TJP1: variants seen among roughly 807,000 people sequenced by gnomAD.
TJP1 encodes the protein tight junction protein 1, also known as tight junction protein ZO-1.
In TJP1, 43 loss-of-function variants were observed where a neutral mutation model predicts 194.2. The ratio of observed to expected loss-of-function variants is 0.22; its 90% CI spans 0.17 to 0.29. The LOEUF (loss-of-function observed/expected upper bound fraction) is 0.29. Among genes scored for constraint, TJP1 ranks in the 10% least tolerant of loss-of-function variants. The probability of loss-of-function intolerance (pLI) is 1.00; values close to 1 mark genes in which losing one functional copy is unlikely to be tolerated. For missense variants in TJP1, 1,971 were observed against 2,185.7 expected (o/e 0.90, Z 1.96); for synonymous variants, 801 against 779.0 (o/e 1.03, Z -0.47).
At chr15:29,951,092 G>A (rs2055733388) in intron 2 of TJP1, among the ~76,000 whole-genome samples, 1 of 152,136 alleles carries the variant, frequency 6.6e-6, no homozygotes, top group Non-Finnish European at 1.5e-5. Flanking sequence ...GTTGAGGGAG[G>A]AGGAGAAATT....
At chr15:29,788,155 A>C (rs767834374) in intron 2 of TJP1, among the ~76,000 whole-genome samples, 2 of 152,016 alleles carry the variant, frequency 1.3e-5, no homozygotes, top group African/African-American at 2.4e-5. Context: ...TTTTCAACTG[A>C]TTTGTCTTTT....
In TJP1 at chr15:29,855,924, A is replaced by T. The variant is rs1184949132; in HGVS notation, c.307-55222T>A. On this transcript the variant is annotated intron_variant, in intron 2 of 28. Transcript: ENST00000356107. ...GTGATGACACGGTCTGCTAAATATT[A>T]AAACAGGACATAAAGGTACACTTAT... Among the ~76,000 whole-genome samples the T allele has an allele frequency of 2.0e-5, 3 of 152,216 alleles. No homozygotes were observed. The East Asian group carries it at 5.8e-4, about 29-fold the overall frequency.
At chr15:29,769,316 A>C (rs1040450301) in intron 4 of TJP1, among the ~76,000 whole-genome samples, 1 of 152,206 alleles carries the variant, frequency 6.6e-6, no homozygotes, top group African/African-American at 2.4e-5. Context: ...TCAGTTTGGC[A>C]AAGATTTAAG....
At chr15:29,871,568 A>G (rs983953344) in intron 2 of TJP1, among the ~76,000 whole-genome samples, 1 of 152,204 alleles carries the variant, frequency 6.6e-6, no homozygotes, top group African/African-American at 2.4e-5. Flanking sequence ...CCGCCTGGAG[A>G]GGCCTTCCTA....
intron 2 of TJP1, among the ~76,000 whole-genome samples, chr15:29,915,517 C>T (rs1354675490): frequency 6.6e-6 from 1 of 152,178 alleles, no homozygotes. Context: ...GATTTCCAAA[C>T]CATACAATCT....
chr15:29,962,829 CAATA>C (rs1343075336), intron 1 of TJP1, among the ~76,000 whole-genome samples: 3 of 152,078 alleles, frequency 2.0e-5, no homozygotes, highest in Non-Finnish European at 2.9e-5. Flanking sequence ...GCACAACTGC[CAATA>C]ATTAGGTCAT....
intron 15 of TJP1, among the ~76,000 whole-genome samples, chr15:29,731,624 G>A (rs542497150): frequency 2.0e-5 from 3 of 152,300 alleles, no homozygotes; most frequent in Non-Finnish European, 4.4e-5. Flanking sequence ...TCCCTGTTCA[G>A]AGCATCAGAT....
chr15:29,750,071 G>A (rs1486489871), intron 8 of TJP1, among the ~76,000 whole-genome samples: 1 of 151,038 alleles, frequency 6.6e-6, no homozygotes, highest in Non-Finnish European at 1.5e-5. Flanking sequence ...GCAGTGGTGC[G>A]ATCCTGGCTC....
chr15:29,788,595 C>T (rs1252130439), intron 2 of TJP1, among the ~76,000 whole-genome samples: 1 of 152,094 alleles, frequency 6.6e-6, no homozygotes, highest in Non-Finnish European at 1.5e-5. Flanking sequence ...GCACCCCATC[C>T]CAAGTTTACC....
At chr15:29,963,995 G>A (rs1174998833) in intron 1 of TJP1, among the ~76,000 whole-genome samples, 3 of 151,238 alleles carry the variant, frequency 2.0e-5, no homozygotes, top group Admixed American at 1.3e-4. Flanking sequence ...ACTCAAGACT[G>A]CTGATAGCAA....
intron 2 of TJP1, among the ~76,000 whole-genome samples, chr15:29,862,161 C>T (rs1021112079): frequency 2.0e-5 from 3 of 151,844 alleles, no homozygotes; most frequent in African/African-American, 2.4e-5. Flanking sequence ...AATTTTGGCC[C>T]AGAAAGATCA....
At position 29,777,725 on chromosome 15, in the gene TJP1, G is replaced by A. The variant is rs535374271; in HGVS notation, c.85-4368C>T. On this transcript the variant is annotated intron_variant, in intron 2 of 27. Transcript: ENST00000614355. ...AAAACTACAAATGTACTATTCTTTT[G>A]ACAGAGCAAACTAACTTCTAGAAAG... Among the ~76,000 whole-genome samples the A allele has an allele frequency of 5.3e-5, 8 of 152,078 alleles. 1 individual carries two copies. The South Asian group carries it at 1.7e-3, about 32-fold the overall frequency.
In TJP1 at chr15:29,701,645, T is replaced by A; in HGVS notation, c.5257A>T (p.Asn1753Tyr). ...WQNKCLPGDP[N>Y]YLVGANCVSV... is the part of the protein sequence containing the mutation. ...ACACAGTTTGCTCCAACGAGATAAT[T>A]TGGATCTCCGGGAAGACACTTGTTT... The change falls in exon 28 of 28, where the codon AAT (asparagine) becomes TAT (tyrosine). Residue 1753 changes from asparagine to tyrosine, a missense_variant. Physicochemically the swap from Asn to Tyr is moderately radical, Grantham distance 143. Transcript: ENST00000614355. The A allele has an allele frequency of 1.9e-6, 3 of 1,614,138 alleles. No homozygotes were observed. The highest frequency in any genetic ancestry group is 2.5e-6 in the Non-Finnish European group (3 of 1,180,008).
At chr15:29,740,845 G>A (rs1026448270) in intron 10 of TJP1, among the ~76,000 whole-genome samples, 4 of 151,780 alleles carry the variant, frequency 2.6e-5, no homozygotes, top group African/African-American at 9.7e-5. Flanking sequence ...GAAACATCTG[G>A]CAATGTCTAG....
chr15:29,751,481 TC>T (rs1452919031), intron 8 of TJP1, among the ~76,000 whole-genome samples: 4 of 152,232 alleles, frequency 2.6e-5, no homozygotes, highest in Admixed American at 2.6e-4. Context: ...ATTAATCTAG[TC>T]CATCCGCATT....
intron 2 of TJP1, among the ~76,000 whole-genome samples, chr15:29,862,329 G>A (rs948242552): frequency 2.0e-5 from 3 of 152,164 alleles, no homozygotes; most frequent in African/African-American, 7.2e-5. Context: ...GAGGTAAACA[G>A]TACAACATGG....
chr15:29,783,198 C>T (rs1339586254), intron 2 of TJP1, among the ~76,000 whole-genome samples: 1 of 152,024 alleles, frequency 6.6e-6, no homozygotes, highest in East Asian at 1.9e-4. Context: ...CGTTTGAACC[C>T]GGGAGGCAGA....
At chr15:29,825,901 G>A (rs2050660473), upstream of TJP1, among the ~76,000 whole-genome samples, 2 of 152,052 alleles carry the variant, frequency 1.3e-5, no homozygotes, top group Non-Finnish European at 2.9e-5. Context: ...TGTTAAATGG[G>A]GGAAAGATTC....
At position 29,833,130 on chromosome 15, in the gene TJP1, AC is replaced by A. The variant is rs1184510695; in HGVS notation, c.307-32429del. Among the ~76,000 whole-genome samples, 6 of 152,324 alleles carry A rather than the reference AC, an allele frequency of 3.9e-5. No homozygotes were observed. The South Asian group carries it at 6.2e-4, about 16-fold the overall frequency. On this transcript the variant is annotated intron_variant, in intron 2 of 28. Coordinates refer to the TJP1 transcript ENST00000356107. Reference sequence around the variant, plus strand: ...TTAATGAGGGAATATTTAGAGTGCCACAAAAAAAAAGTTCTATATAGAAGCC... The same window carrying A: ...TTAATGAGGGAATATTTAGAGTGCCAAAAAAAAAAGTTCTATATAGAAGCC...
Sources: allele counts gnomAD v4.1 joint callset (sites outside exome capture counted in the v4.1 genomes callset), GRCh38; gene constraint gnomAD v4.1.1; transcripts MANE v1.5; gene names NCBI Gene and HGNC (gene_info 2026-07-23, HGNC 2026-07-21).